UBE3C: variants seen among roughly 807,000 people sequenced by gnomAD.
The protein encoded by UBE3C is ubiquitin-protein ligase E3C.
In UBE3C, 42 loss-of-function variants were observed where a neutral mutation model predicts 129.4. That is an observed-to-expected ratio of 0.32 (90% CI 0.25 to 0.42). The LOEUF (loss-of-function observed/expected upper bound fraction) is 0.42, where lower values mean the gene tolerates loss of function less well. Among genes scored for constraint, UBE3C ranks in the 10% least tolerant of loss-of-function variants. The pLI is 1.00. For synonymous variants in UBE3C, 510 were observed against 492.4 expected, an observed-to-expected ratio of 1.04 and a Z score of -0.47; for missense variants, 1,049 against 1,319.1, an observed-to-expected ratio of 0.80 and a Z score of 3.17.
chr7:157,172,975 A>G (rs1279245285), intron 4 of UBE3C, among the ~76,000 whole-genome samples: 1 of 152,218 alleles, frequency 6.6e-6, no homozygotes, highest in African/African-American at 2.4e-5. Flanking sequence ...GTAAATGAAC[A>G]TATTTGACTT....
intron 13 of UBE3C, among the ~76,000 whole-genome samples, chr7:157,214,913 C>T (rs1809692512): frequency 6.6e-6 from 1 of 152,136 alleles, no homozygotes; most frequent in Non-Finnish European, 1.5e-5. Flanking sequence ...CATAAGAAAC[C>T]ATTAATTGTA....
chr7:157,223,464 C>T, intron 16 of UBE3C, 113 bp downstream of exon 16: 2 of 855,030 alleles, frequency 2.3e-6, no homozygotes, highest in Non-Finnish European at 3.6e-6. Flanking sequence ...GATTACATAA[C>T]ATACTTTTCT....
rs1356192801 is a variant in UBE3C, at chr7:157,171,684, ATATTTTTTTTTTTTTTTTTTTTTTT to A, written c.342+1236_342+1260del. ...TTTATATATATATATATATATATAT[ATATTTTTTTTTTTTTTTTTTTTTTT>A]TTTTTTTTTTTTTTTGAGACAGAGT... On this transcript the variant is annotated intron_variant, in intron 4 of 22. Coordinates refer to ENST00000348165, the MANE Select transcript of UBE3C (RefSeq NM_014671.3). 1.1e-3 allele frequency among the ~76,000 whole-genome samples: 59 copies of A among 54,642 alleles called. 1 individual carries two copies. The highest frequency in any genetic ancestry group is 1.3e-3 in the Non-Finnish European group (32 of 24,296). 35.8% of individuals were successfully genotyped at this position (54,642 alleles called of 152,430 possible). A position where few individuals can be genotyped will look rare whatever the true frequency, so the allele number is the denominator to read the frequency against.
chr7:157,236,857 G>A (rs1357749648), intron 18 of UBE3C, among the ~76,000 whole-genome samples: 8 of 151,592 alleles, frequency 5.3e-5, no homozygotes, highest in Admixed American at 2.0e-4. Context: ...TCAGCCTCCC[G>A]AGTAGCTGGG....
rs1295853181 is a variant in UBE3C, at chr7:157,188,774, C to T, written c.1331+1753C>T. Among the ~76,000 whole-genome samples, 3 of 105,628 alleles carry T rather than the reference C, an allele frequency of 2.8e-5. No individual in the cohort carries two copies. In the East Asian group the frequency reaches 1.4e-3, roughly 49 times the overall value. 69.3% of individuals were successfully genotyped at this position (105,628 alleles called of 152,430 possible). A position where few individuals can be genotyped will look rare whatever the true frequency, so the allele number is the denominator to read the frequency against. On this transcript the variant is annotated intron_variant, in intron 10 of 22. Coordinates refer to ENST00000348165, the MANE Select transcript of UBE3C (RefSeq NM_014671.3). ...GAAAGAGCAAGTAGGCTTACTCTAA[C>T]TGTTACAGATTTTAACTGCTTTCAA...
chr7:157,260,191 G>T (rs1796863019), intron 22 of UBE3C, among the ~76,000 whole-genome samples: 1 of 148,446 alleles, frequency 6.7e-6, no homozygotes. Flanking sequence ...GGTGGGGGTG[G>T]GAAGTAACAT....
intron 6 of UBE3C, among the ~76,000 whole-genome samples, chr7:157,180,778 G>A (rs1400379774): frequency 1.3e-5 from 2 of 152,182 alleles, no homozygotes; most frequent in African/African-American, 4.8e-5. Flanking sequence ...AGTTGTTTCA[G>A]TTTACGTATA....
At chr7:157,253,575 T>A (rs1796671716) in intron 19 of UBE3C, among the ~76,000 whole-genome samples, 1 of 152,274 alleles carries the variant, frequency 6.6e-6, no homozygotes, top group Non-Finnish European at 1.5e-5. Flanking sequence ...CCTTTGCGTT[T>A]CCTCCAGAAT....
intron 13 of UBE3C, among the ~76,000 whole-genome samples, chr7:157,214,506 T>C (rs752090851): frequency 6.6e-6 from 1 of 152,162 alleles, no homozygotes; most frequent in Non-Finnish European, 1.5e-5. Flanking sequence ...CAATTAAATA[T>C]GTAAATATGT....
At chr7:157,238,064 A>G (rs1186701479) in intron 18 of UBE3C, among the ~76,000 whole-genome samples, 1 of 152,132 alleles carries the variant, frequency 6.6e-6, no homozygotes, top group Non-Finnish European at 1.5e-5. Flanking sequence ...ATAATAAAAT[A>G]GGGCCCATGT....
intron 10 of UBE3C, among the ~76,000 whole-genome samples, chr7:157,200,421 T>C (rs1337744380): frequency 6.6e-6 from 1 of 152,204 alleles, no homozygotes; most frequent in Non-Finnish European, 1.5e-5. Flanking sequence ...AGGAAATTAC[T>C]CGACCAATCA....
At chr7:157,242,514 G>GTTGTTTT (rs776094182) in intron 18 of UBE3C, among the ~76,000 whole-genome samples, 5 of 112,086 alleles carry the variant, frequency 4.5e-5, no homozygotes, top group African/African-American at 1.1e-4. Context: ...AGCCTGAGTT[G>GTTGTTTT]TTTTTTTTTT....
rs1808925964 is a variant in UBE3C at position 157,190,472 on chromosome 7, C to T, written c.1331+3451C>T. ...AAGCACAGACTCAGGTCCTCGGCTA[C>T]CAAAGCCACATTTCAAGTGCCCAGT... On this transcript the variant is annotated intron_variant, in intron 10 of 22. Transcript: ENST00000348165. 3.3e-5 allele frequency among the ~76,000 whole-genome samples: 5 copies of T among 152,286 alleles called. No homozygotes were observed. In the South Asian group the frequency reaches 1.0e-3, roughly 32 times the overall value.
chr7:157,240,516 T>C (rs1178784939), intron 18 of UBE3C, among the ~76,000 whole-genome samples: 1 of 152,186 alleles, frequency 6.6e-6, no homozygotes, highest in African/African-American at 2.4e-5. Flanking sequence ...TGGGTTACTT[T>C]TTCTACACCC....
At chr7:157,186,730 G>A in intron 9 of UBE3C, 104 bp from the exon 10 acceptor site, 1 of 1,348,328 alleles carries the variant, frequency 7.4e-7, no homozygotes, top group South Asian at 1.4e-5. Context: ...ATGATGCCTA[G>A]CTTTCTTTGC....
chr7:157,178,840 T>A lies in UBE3C; in HGVS notation c.609T>A (p.Ile203=). Residue 203 remains isoleucine, a synonymous_variant, in exon 6 of 23, where the codon ATT becomes ATA. Transcript: ENST00000348165. ...SVIEQILHYM[I]HNGYYRSLYL... is the part of the protein sequence containing the mutation. ...TTGAACAAATTTTGCACTACATGAT[T>A]CACAATGGTAAGTAGTAGGCAGGAT... 6.2e-7 allele frequency: 1 copy of A among 1,614,126 alleles called. No individual in the cohort carries two copies. Among genetic ancestry groups the A allele is most frequent in the Non-Finnish European group, 8.5e-7 (1 of 1,179,990 alleles).
chr7:157,200,474 T>A (rs77803471), intron 10 of UBE3C, among the ~76,000 whole-genome samples: 1,928 of 152,258 alleles, frequency 0.013, 43 homozygotes, highest in African/African-American at 0.044. Context: ...CCTCATCTCT[T>A]AAAAAAATAT....
chr7:157,243,644 T>C (rs551817838), intron 18 of UBE3C, among the ~76,000 whole-genome samples: 1 of 152,250 alleles, frequency 6.6e-6, no homozygotes, highest in South Asian at 2.1e-4. Flanking sequence ...ACAACACGGA[T>C]TTTTTAGTGC....
chr7:157,161,059 A>C (rs1014066549), intron 1 of UBE3C, among the ~76,000 whole-genome samples: 1 of 152,232 alleles, frequency 6.6e-6, no homozygotes, highest in Non-Finnish European at 1.5e-5. Context: ...GAAGATTAAG[A>C]AGAAATAGTA....
Sources: gnomAD v4.1 joint callset for allele counts (sites outside exome capture counted in the v4.1 genomes callset) on GRCh38, gnomAD v4.1.1 for gene constraint, MANE v1.5 for transcripts, NCBI Gene and HGNC (gene_info 2026-07-23, HGNC 2026-07-21) for gene names.